CFAP77: variants seen among roughly 807,000 people sequenced by gnomAD.
CFAP77 encodes the protein cilia- and flagella-associated protein 77.
In CFAP77, 25 loss-of-function variants were observed where a neutral mutation model predicts 31.1. The observed-to-expected ratio is 0.80, with a 90% CI of 0.59 to 1.12. The LOEUF (loss-of-function observed/expected upper bound fraction) is 1.12. CFAP77 is among the 50% of genes most tolerant of loss of function. The pLI is 0.00. For synonymous variants in CFAP77, 151 were observed against 159.9 expected, an observed-to-expected ratio of 0.94 and a Z score of 0.42; for missense variants, 377 against 397.3, an observed-to-expected ratio of 0.95 and a Z score of 0.44.
chr9:132,455,685 C>T lies in CFAP77; in HGVS notation c.196-43010C>T, dbSNP rs764023737. 1.9e-4 allele frequency among the ~76,000 whole-genome samples: 29 copies of T among 152,188 alleles called. No homozygotes were observed. The highest frequency in any genetic ancestry group is 3.7e-4 in the Non-Finnish European group (25 of 68,018). Reference sequence around the variant, plus strand: ...GGCGGAGGTTGTAGTGAGTTGAGATCGCACTACTGCACTCTGGCCTGGGTG... The same window carrying T: ...GGCGGAGGTTGTAGTGAGTTGAGATTGCACTACTGCACTCTGGCCTGGGTG... On this transcript the variant is annotated intron_variant, in intron 1 of 5. Coordinates refer to ENST00000393216, the MANE Select transcript of CFAP77 (RefSeq NM_001282957.2). This position sits in a 1 kb window ranked among gnomAD's most constrained non-coding sequence, Gnocchi z 4.1.
At chr9:132,475,536 TGAA>T (rs1851335811) in intron 1 of CFAP77, among the ~76,000 whole-genome samples, 3 of 152,094 alleles carry the variant, frequency 2.0e-5, no homozygotes, top group Non-Finnish European at 2.9e-5. Context: ...TTGCCAGTCT[TGAA>T]TGCCTCAGTC....
At chr9:132,460,254 C>T (rs1450201125) in intron 1 of CFAP77, among the ~76,000 whole-genome samples, 4 of 152,208 alleles carry the variant, frequency 2.6e-5, no homozygotes, top group Non-Finnish European at 5.9e-5. Context: ...CTCCCACCTC[C>T]TCCACTTTAT....
chr9:132,476,911 A>C (rs1220199863), intron 1 of CFAP77, among the ~76,000 whole-genome samples: 1 of 152,136 alleles, frequency 6.6e-6, no homozygotes, highest in Non-Finnish European at 1.5e-5. Context: ...TTCAGCCACC[A>C]AGGTGGTGGC....
chr9:132,540,238 G>A (rs1444259478), intron 4 of CFAP77, among the ~76,000 whole-genome samples: 1 of 152,078 alleles, frequency 6.6e-6, no homozygotes, highest in Non-Finnish European at 1.5e-5. Context: ...CTTAGAGCTG[G>A]GAGTTTTAAT....
At chr9:132,510,958 G>A (rs1852026458) in intron 3 of CFAP77, among the ~76,000 whole-genome samples, 1 of 152,096 alleles carries the variant, frequency 6.6e-6, no homozygotes, top group Non-Finnish European at 1.5e-5. Context: ...AGAGACACTT[G>A]TACACAGTCA....
At chr9:132,468,196 A>T (rs1268005376) in intron 1 of CFAP77, among the ~76,000 whole-genome samples, 1 of 152,118 alleles carries the variant, frequency 6.6e-6, no homozygotes, top group Non-Finnish European at 1.5e-5. Context: ...ATACAAAAAA[A>T]TTAGCAGGGC....
At chr9:132,486,103 T>A (rs868527441) in intron 1 of CFAP77, among the ~76,000 whole-genome samples, 1,164 of 95,378 alleles carry the variant, frequency 0.012, 139 homozygotes, top group South Asian at 0.023. Context: ...TTTTTTTTTT[T>A]TTTTTTTGAG....
At chr9:132,548,679 C>G (rs13286153) in intron 5 of CFAP77, among the ~76,000 whole-genome samples, 40,165 of 128,110 alleles carry the variant, frequency 0.31, 5,547 homozygotes, top group African/African-American at 0.36. Context: ...TGTTGGCTGG[C>G]GGGGGGGTCT....
At chr9:132,444,366 T>C (rs1317687048) in intron 1 of CFAP77, among the ~76,000 whole-genome samples, 1 of 152,258 alleles carries the variant, frequency 6.6e-6, no homozygotes, top group East Asian at 1.9e-4. Context: ...GGGCAGGAAG[T>C]GTGCTCTCTC....
intron 1 of CFAP77, among the ~76,000 whole-genome samples, chr9:132,467,502 C>CA (rs1355192155): frequency 3.3e-5 from 5 of 152,214 alleles, no homozygotes. Context: ...AAGGTCCATC[C>CA]ACATTGTAGC....
At position 132,524,642 on chromosome 9, in the gene CFAP77, ATATT is replaced by A. The variant is rs535842037; in HGVS notation, c.525-12938_525-12935del. On this transcript the variant is annotated intron_variant, in intron 3 of 5. Coordinates refer to ENST00000393216, the MANE Select transcript of CFAP77 (RefSeq NM_001282957.2). ...AAAAAAAAATTAATTGACACGTGCC[ATATT>A]TATTTATTTATTTATTTATTGAGGC... Among the ~76,000 whole-genome samples, 198 of 151,336 alleles carry A rather than the reference ATATT, an allele frequency of 1.3e-3. 1 individual carries two copies. Among genetic ancestry groups the A allele is most frequent in the African/African-American group, 3.6e-3 (150 of 41,230 alleles).
chr9:132,410,427 C>G lies in CFAP77; in HGVS notation c.156C>G (p.Val52=), dbSNP rs1417599001. The G allele has an allele frequency of 6.3e-7, 1 of 1,597,990 alleles. No homozygotes were observed. Among genetic ancestry groups the G allele is most frequent in the East Asian group, 2.4e-5 (1 of 42,546 alleles). ...RSGMENERLG[V]VRDSMFQNPL... is the part of the protein sequence containing the mutation. ...GCATGGAGAACGAGCGGCTGGGGGT[C>G]GTGCGGGACTCCATGTTTCAGAACC... The change falls in exon 1 of 6, where the codon GTC becomes GTG. Residue 52 remains valine (V), a synonymous_variant. Transcript: ENST00000393216.
intron 4 of CFAP77, among the ~76,000 whole-genome samples, chr9:132,538,019 C>T (rs1852578396): frequency 6.6e-6 from 1 of 152,124 alleles, no homozygotes; most frequent in Non-Finnish European, 1.5e-5. Context: ...CCCTTCCCAC[C>T]AAACCTCTGC....
chr9:132,469,534 G>A (rs1291692747), intron 1 of CFAP77, among the ~76,000 whole-genome samples: 1 of 152,136 alleles, frequency 6.6e-6, no homozygotes, highest in African/African-American at 2.4e-5. Flanking sequence ...AGGGGCAGAG[G>A]GAGGAGGCGA....
intron 1 of CFAP77, among the ~76,000 whole-genome samples, chr9:132,431,059 G>A (rs967974400): frequency 6.6e-6 from 1 of 152,210 alleles, no homozygotes; most frequent in African/African-American, 2.4e-5. Context: ...ATCACTGGAA[G>A]GTGAGGGAAG....
intron 3 of CFAP77, among the ~76,000 whole-genome samples, chr9:132,502,397 A>G (rs1851865335): frequency 6.6e-6 from 1 of 152,120 alleles, no homozygotes; most frequent in Non-Finnish European, 1.5e-5. Flanking sequence ...AGTGGGAATC[A>G]TTACATTCAC....
At chr9:132,446,367 ACAC>A (rs767524405) in intron 1 of CFAP77, among the ~76,000 whole-genome samples, 4 of 151,852 alleles carry the variant, frequency 2.6e-5, no homozygotes, top group Non-Finnish European at 5.9e-5. Context: ...TTCACCGAGA[ACAC>A]CAGCTCGAAT....
Position 132,572,417 on chromosome 9 carries a change from G to A in CFAP77, c.762G>A (p.Thr254=), listed in dbSNP as rs757308234. 9.3e-6 allele frequency: 15 copies of A among 1,613,276 alleles called. No individual in the cohort carries two copies. The African/African-American group carries it at 1.1e-4, about 11-fold the overall frequency. Reference sequence around the variant, plus strand: ...GCCGCCACCTTGATACGTTCCCCACGGAGGCCGATCGCCAGAGAGCATTAA... The same window carrying A: ...GCCGCCACCTTGATACGTTCCCCACAGAGGCCGATCGCCAGAGAGCATTAA... The part of the protein sequence containing the change: ...KVGRHLDTFP[T]EADRQRALKA... Residue 254 remains threonine, a synonymous_variant, in exon 6 of 6, where the codon ACG becomes ACA. Transcript: ENST00000393216.
chr9:132,483,490 C>T (rs1050816466), intron 1 of CFAP77, among the ~76,000 whole-genome samples: 3 of 152,146 alleles, frequency 2.0e-5, no homozygotes, highest in African/African-American at 4.8e-5. Context: ...TCGGTGCAGA[C>T]GAGGCTGACG....
Sources: gnomAD v4.1 joint callset for allele counts (sites outside exome capture counted in the v4.1 genomes callset) on GRCh38, gnomAD v4.1.1 for gene constraint, Gnocchi (gnomAD v3.1) non-coding constraint, MANE v1.5 for transcripts, NCBI Gene and HGNC (gene_info 2026-07-23, HGNC 2026-07-21) for gene names.